Variants in LRRFIP2 observed in about 807,000 individuals in gnomAD.
The protein encoded by LRRFIP2 is leucine-rich repeat flightless-interacting protein 2.
A neutral mutation model predicts 125.9 loss-of-function variants in LRRFIP2; 109 were observed. The ratio of observed to expected loss-of-function variants is 0.87; its 90% CI spans 0.74 to 1.01. LRRFIP2 has a LOEUF of 1.01. LRRFIP2 is among the 50% of genes least tolerant of loss of function. The pLI is 0.00. For missense variants in LRRFIP2, 850 were observed against 862.3 expected (o/e 0.99, Z 0.18); for synonymous variants, 291 against 293.1 (o/e 0.99, Z 0.07).
chr3:37,166,887 G>T (rs544280116), intron 1 of LRRFIP2, among the ~76,000 whole-genome samples: 2 of 151,538 alleles, frequency 1.3e-5, no homozygotes, highest in African/African-American at 4.9e-5. Context: ...ACATGGTGGC[G>T]CATGCCTGTA....
At chr3:37,134,810 T>C (rs1229385147) in intron 2 of LRRFIP2, 7 of 880,774 alleles carry the variant, frequency 7.9e-6, no homozygotes, top group Admixed American at 1.7e-5. Context: ...GTGTATTCTT[T>C]TTGGCAATTC....
rs189426632 is a variant in LRRFIP2 at position 37,099,981 on chromosome 3, G to A, written c.873+2943C>T. ...CATGTTGAAATATTTCCAGGTCACC[G>A]TTTTTTGAAAGTGGGAGGGGAGGGA... On this transcript the variant is annotated intron_variant, in intron 15 of 27. Coordinates refer to ENST00000336686, the MANE Select transcript of LRRFIP2 (RefSeq NM_006309.4). Among the ~76,000 whole-genome samples the A allele has an allele frequency of 9.1e-3, 1,378 of 152,102 alleles. 14 individuals carry two copies. Among genetic ancestry groups the A allele is most frequent in the Non-Finnish European group, 0.014 (952 of 67,972 alleles).
chr3:37,114,012 CCCTA>C (rs796844516), intron 7 of LRRFIP2, among the ~76,000 whole-genome samples: 23 of 152,138 alleles, frequency 1.5e-4, no homozygotes, highest in African/African-American at 4.6e-4. Context: ...GCTAGAAGTG[CCCTA>C]CCTATCAAGA....
chr3:37,159,614 C>A (rs965274328), intron 1 of LRRFIP2, among the ~76,000 whole-genome samples: 13 of 152,006 alleles, frequency 8.6e-5, no homozygotes, highest in African/African-American at 3.1e-4. Context: ...TCAAGCAATT[C>A]TCCTACCTCA....
chr3:37,158,775 G>T (rs2096263989), intron 1 of LRRFIP2, among the ~76,000 whole-genome samples: 1 of 152,048 alleles, frequency 6.6e-6, no homozygotes, highest in Non-Finnish European at 1.5e-5. Flanking sequence ...TTAAAAAAAT[G>T]CAATTAATAT....
At chr3:37,101,440 AGATT>A (rs978585826) in intron 15 of LRRFIP2, among the ~76,000 whole-genome samples, 2 of 151,914 alleles carry the variant, frequency 1.3e-5, no homozygotes, top group African/African-American at 2.4e-5. Flanking sequence ...TGAGGCAGGT[AGATT>A]GATTGAGGTC....
chr3:37,103,658 A>T (rs948760895), intron 14 of LRRFIP2, among the ~76,000 whole-genome samples: 2 of 152,150 alleles, frequency 1.3e-5, no homozygotes, highest in Non-Finnish European at 2.9e-5. Flanking sequence ...GTCTCAGCTC[A>T]AAGGTCAGTT....
chr3:37,113,100 C>A, intron 7 of LRRFIP2, 120 bp from the exon 8 acceptor site: 1 of 529,582 alleles, frequency 1.9e-6, no homozygotes, highest in Non-Finnish European at 3.4e-6. Context: ...AGTTTACATG[C>A]AATTTATTTC....
intron 15 of LRRFIP2, among the ~76,000 whole-genome samples, chr3:37,098,656 G>A (rs1272374370): frequency 6.6e-6 from 1 of 151,996 alleles, no homozygotes; most frequent in African/African-American, 2.4e-5. Flanking sequence ...GCCTCCCAAA[G>A]TGCTGGGATT....
intron 1 of LRRFIP2, among the ~76,000 whole-genome samples, chr3:37,149,517 AAAATAAAT>A (rs149844208): frequency 6.6e-6 from 1 of 152,038 alleles, no homozygotes; most frequent in Non-Finnish European, 1.5e-5. Context: ...ACTCTGTCTC[AAAATAAAT>A]AAATAAATAA....
chr3:37,082,018 T>C (rs953143633), intron 19 of LRRFIP2, among the ~76,000 whole-genome samples: 1 of 152,214 alleles, frequency 6.6e-6, no homozygotes, highest in Admixed American at 6.5e-5. Flanking sequence ...TATAAGGGTT[T>C]TCTTTATTTT....
rs2094418141 is a variant in LRRFIP2, at chr3:37,108,217, G to A, written c.658-88C>T. 34 of 1,035,916 alleles carry A rather than the reference G, an allele frequency of 3.3e-5. No homozygotes were observed. The South Asian group carries it at 4.6e-4, about 14-fold the overall frequency. The allele number at this position is 1,035,916 out of a possible 1,614,324, so 64.2% of individuals were successfully genotyped here. A position where few individuals can be genotyped will look rare whatever the true frequency, so the allele number is the denominator to read the frequency against. On this transcript the variant is annotated intron_variant, in intron 12 of 27. Transcript: ENST00000336686. Reference sequence around the variant, plus strand: ...ACATTAGGGACCATTTACCTAACTTGCCCCTGGTTCTCAAGATAAAGGTAA... The same window carrying A: ...ACATTAGGGACCATTTACCTAACTTACCCCTGGTTCTCAAGATAAAGGTAA...
At chr3:37,058,374 TAAGAA>T (rs879527376) in intron 25 of LRRFIP2, among the ~76,000 whole-genome samples, 1 of 152,102 alleles carries the variant, frequency 6.6e-6, no homozygotes, top group African/African-American at 2.4e-5. Context: ...TAGCTCTTCT[TAAGAA>T]AAGCATATTA....
At chr3:37,090,910 T>C (rs2093395251) in intron 18 of LRRFIP2, among the ~76,000 whole-genome samples, 1 of 152,222 alleles carries the variant, frequency 6.6e-6, no homozygotes, top group Non-Finnish European at 1.5e-5. Flanking sequence ...TCACATTTAA[T>C]ACTGACTGAG....
intron 17 of LRRFIP2, among the ~76,000 whole-genome samples, chr3:37,092,202 A>G (rs1463705457): frequency 6.6e-6 from 1 of 152,206 alleles, no homozygotes; most frequent in East Asian, 1.9e-4. Context: ...GAAACAGGTC[A>G]AATTTTAAAT....
At chr3:37,129,828 AC>A (rs1276259791) in intron 2 of LRRFIP2, among the ~76,000 whole-genome samples, 1 of 151,846 alleles carries the variant, frequency 6.6e-6, no homozygotes, top group Non-Finnish European at 1.5e-5. Context: ...CCCTGTCTCT[AC>A]TAAAAATAAA....
Position 37,072,829 on chromosome 3 carries a change from G to C in LRRFIP2, c.1425C>G (p.Asp475Glu), listed in dbSNP as rs760355207. The C allele has an allele frequency of 6.8e-6, 11 of 1,613,174 alleles. No homozygotes were observed. The highest frequency in any genetic ancestry group is 9.3e-6 in the Non-Finnish European group (11 of 1,179,558). ...KIDTMTKEVF[D>E]LQETLLWKDK... ...CTTTCCAAAGAAGTGTCTCCTGGAG[G>C]TCAAACACCTCTTTTGTCATGGTGT... Residue 475 changes from aspartate to glutamate, a missense_variant, in exon 21 of 28, where the codon GAC (aspartate) becomes GAG (glutamate). By Grantham distance (45) the Asp-to-Glu change is conservative (BLOSUM62 2). Transcript: ENST00000336686.
chr3:37,101,145 C>T (rs1467701327), intron 15 of LRRFIP2, among the ~76,000 whole-genome samples: 1 of 151,226 alleles, frequency 6.6e-6, no homozygotes, highest in East Asian at 1.9e-4. Context: ...ACCATGAGGT[C>T]AGGAGTTCAA....
At position 37,111,010 on chromosome 3, in the gene LRRFIP2, G is replaced by A; in HGVS notation, c.494C>T (p.Thr165Ile). The A allele has an allele frequency of 1.2e-6, 2 of 1,613,808 alleles. No homozygotes were observed. The highest frequency in any genetic ancestry group is 1.1e-5 in the South Asian group (1 of 91,076). ...NYSSLRHSKP[T>I]SAYYTRQSSS... The stretch of plus-strand genomic sequence containing the variant: ...ACAAACCCGAGTGTAGTAGGCAGAG[G>A]TGGGTTTGCTATGTCTAAGACTGCT... Residue 165 changes from threonine to isoleucine, a missense_variant, in exon 9 of 28, where the codon ACC becomes ATC. Transcript: ENST00000336686.
Sources: gnomAD v4.1 joint callset for allele counts (sites outside exome capture counted in the v4.1 genomes callset) on GRCh38, gnomAD v4.1.1 for gene constraint, MANE v1.5 for transcripts, NCBI Gene and HGNC (gene_info 2026-07-23, HGNC 2026-07-21) for gene names.